LTN1: variants seen among roughly 807,000 people sequenced by gnomAD.
LTN1 encodes E3 ubiquitin-protein ligase listerin.
Under a neutral mutation model 201.2 loss-of-function variants are expected in LTN1, and 88 were observed. That is an observed-to-expected ratio of 0.44 (90% CI 0.37 to 0.52). The LOEUF (loss-of-function observed/expected upper bound fraction) is 0.52. Among genes scored for constraint, LTN1 ranks in the 20% least tolerant of loss-of-function variants. LTN1 has a pLI of 0.00. For synonymous variants in LTN1, 645 were observed against 713.5 expected (o/e 0.90, Z 1.53); for missense variants, 1,752 against 2,038.7 (o/e 0.86, Z 2.71).
rs2084346683 is a variant in LTN1, at chr21:28,947,460, T to C, written c.3487+4A>G. On this transcript the variant is annotated splice_donor_region_variant and intron_variant, in intron 19 of 29. Coordinates refer to ENST00000361371, the MANE Select transcript of LTN1 (RefSeq NM_015565.3). ...AATGAAATATTTATTATCAAGCAAC[T>C]AACCATTAGTGCTGCAAAGATCTTT... The C allele has an allele frequency of 6.6e-7, 1 of 1,511,204 alleles. No individual in the cohort carries two copies. Among genetic ancestry groups the C allele is most frequent in the South Asian group, 1.3e-5 (1 of 76,246 alleles). 93.6% of individuals were successfully genotyped at this position (1,511,204 alleles called of 1,614,324 possible).
chr21:28,930,510 A>G lies in LTN1; in HGVS notation c.5239T>C (p.Tyr1747His), dbSNP rs2084202481. 1 of 1,608,528 alleles carries G rather than the reference A, an allele frequency of 6.2e-7. No homozygotes were observed. The highest frequency in any genetic ancestry group is 1.3e-5 in the African/African-American group (1 of 74,750). Residue 1747 changes from tyrosine to histidine, a missense_variant and splice_region_variant, in exon 30 of 30, where the codon TAC becomes CAC. Physicochemically the swap from Tyr to His is moderately conservative, Grantham distance 83. Transcript: ENST00000361371. ...TTGTTGCTAGATGTAAACCATTTGTACTGAAAAAGAAAAGGTTTTAAATAC... is the reference window on the plus strand; with the variant it reads ...TTGTTGCTAGATGTAAACCATTTGTGCTGAAAAAGAAAAGGTTTTAAATAC... ...CKKKFHSACLYKWFTSSNKST... is the reference protein window; with the variant it reads ...CKKKFHSACLHKWFTSSNKST...
chr21:28,936,838 A>C (rs1263733581), intron 25 of LTN1, 141 bp from the exon 26 acceptor site: 16 of 651,220 alleles, frequency 2.5e-5, no homozygotes, highest in Non-Finnish European at 3.7e-5. Flanking sequence ...CACATTTCTA[A>C]TATCTTTCTC....
intron 6 of LTN1, 84 bp from the exon 7 acceptor site, chr21:28,971,528 C>A: frequency 8.3e-7 from 1 of 1,200,876 alleles, no homozygotes; most frequent in South Asian, 1.5e-5. Context: ...AGATTATTCA[C>A]ACTAACCCTC....
intron 8 of LTN1, among the ~76,000 whole-genome samples, chr21:28,970,222 A>C (rs1268647237): frequency 6.6e-6 from 1 of 152,194 alleles, no homozygotes; most frequent in Non-Finnish European, 1.5e-5. Context: ...ATTTGTATTT[A>C]TCAACATAAA....
chr21:28,934,889 C>A (rs2084241703), intron 27 of LTN1, among the ~76,000 whole-genome samples: 1 of 152,112 alleles, frequency 6.6e-6, no homozygotes, highest in South Asian at 2.1e-4. Flanking sequence ...ATTTGACACA[C>A]AAATTAGAAA....
Position 28,986,855 on chromosome 21 carries a change from G to A in LTN1, c.122C>T (p.Ser41Phe). ...AGGAACATAGCCTAGGTCACTCTGA[G>A]ATGTTCCAAAACCAATAAATCCAGG... Reference protein sequence around the residue: ...TVPGFIGFGTSQSDLGYVPAI... With the variant: ...TVPGFIGFGTFQSDLGYVPAI... The change falls in exon 2 of 30, where the codon TCT becomes TTT. Residue 41 changes from serine to phenylalanine, a missense_variant. By Grantham distance (155) the Ser-to-Phe change is radical (BLOSUM62 -2). Coordinates refer to ENST00000361371, the MANE Select transcript of LTN1 (RefSeq NM_015565.3). This position sits in a 1 kb window ranked among gnomAD's most constrained non-coding sequence, Gnocchi z 4.1. 1 of 1,613,984 alleles carries A rather than the reference G, an allele frequency of 6.2e-7. No individual in the cohort carries two copies. Among genetic ancestry groups the A allele is most frequent in the Non-Finnish European group, 8.5e-7 (1 of 1,179,880 alleles).
rs117562546 is a variant in LTN1, at chr21:28,944,930, T to G, written c.3769-334A>C. ...CAAGTTGTAAGTTATTATTTTAAAATAAGAAAATCGGCCAGGCACAGTGGC... is the reference window on the plus strand; with the variant it reads ...CAAGTTGTAAGTTATTATTTTAAAAGAAGAAAATCGGCCAGGCACAGTGGC... On this transcript the variant is annotated intron_variant, in intron 21 of 29. Transcript: ENST00000361371. Among the ~76,000 whole-genome samples, 54 of 152,212 alleles carry G rather than the reference T, an allele frequency of 3.5e-4. No individual in the cohort carries two copies. In the East Asian group the frequency reaches 9.9e-3, roughly 28 times the overall value.
intron 17 of LTN1, among the ~76,000 whole-genome samples, chr21:28,952,882 A>G (rs2084394118): frequency 6.6e-6 from 1 of 152,196 alleles, no homozygotes; most frequent in Non-Finnish European, 1.5e-5. Flanking sequence ...ACACACCTAT[A>G]ACAACATGTA....
chr21:28,971,984 T>A (rs117422199), intron 6 of LTN1, among the ~76,000 whole-genome samples: 286 of 152,282 alleles, frequency 1.9e-3, no homozygotes, highest in Middle Eastern at 3.4e-3. Flanking sequence ...TTAAGAACAA[T>A]GCAATGGTCT....
chr21:28,932,619 T>C lies in LTN1; in HGVS notation c.4921A>G (p.Ile1641Val). The change falls in exon 28 of 30, where the codon ATT becomes GTT. Residue 1641 changes from isoleucine (I) to valine (V), a missense_variant. By Grantham distance (29) the Ile-to-Val change is conservative. This residue lies in a region of LTN1 where 261 missense variants were observed against 350.1 expected (regional missense o/e 0.75). Coordinates refer to ENST00000361371, the MANE Select transcript of LTN1 (RefSeq NM_015565.3). ...TTREVMATYTIEDIVIELIIQ... is the reference protein window; with the variant it reads ...TTREVMATYTVEDIVIELIIQ... ...ATAAGTTCAATAACTATGTCCTCAA[T>C]AGTATAAGTAGCCATTACCTCTCGA... 1 of 1,613,596 alleles carries C rather than the reference T, an allele frequency of 6.2e-7. No individual in the cohort carries two copies. The highest frequency in any genetic ancestry group is 8.5e-7 in the Non-Finnish European group (1 of 1,179,678).
intron 9 of LTN1, among the ~76,000 whole-genome samples, chr21:28,968,266 A>G (rs2084543188): frequency 6.6e-6 from 1 of 152,114 alleles, no homozygotes; most frequent in Non-Finnish European, 1.5e-5. Flanking sequence ...TTCTGGATTT[A>G]AGTGTTTTGC....
Position 28,970,758 on chromosome 21 carries a change from A to T in LTN1, c.985-16T>A. On this transcript the variant is annotated splice_polypyrimidine_tract_variant and intron_variant, in intron 7 of 29. Transcript: ENST00000361371. Reference sequence around the variant, plus strand: ...GCCAACAGTCCTAACCAAACAAAAGATTATAGTAGTAATTAGAGATCATAA... The same window carrying T: ...GCCAACAGTCCTAACCAAACAAAAGTTTATAGTAGTAATTAGAGATCATAA... 6.3e-7 allele frequency: 1 copy of T among 1,581,600 alleles called. No individual in the cohort carries two copies. The highest frequency in any genetic ancestry group is 8.7e-7 in the Non-Finnish European group (1 of 1,154,574).
chr21:28,949,764 A>G (rs555726918), intron 18 of LTN1, among the ~76,000 whole-genome samples: 1 of 152,152 alleles, frequency 6.6e-6, no homozygotes, highest in Non-Finnish European at 1.5e-5. Flanking sequence ...TTAGGTTGCA[A>G]GTTTTCATTT....
intron 23 of LTN1, 59 bp from the exon 24 acceptor site, chr21:28,943,395 T>G (rs2084312447): frequency 9.4e-7 from 1 of 1,065,544 alleles, no homozygotes; most frequent in Non-Finnish European, 1.4e-6. Flanking sequence ...TAAGTCGTGC[T>G]CAAGAGCAGA....
chr21:28,963,771 C>T lies in LTN1; in HGVS notation c.2163+2094G>A, dbSNP rs574978979. On this transcript the variant is annotated intron_variant, in intron 11 of 29. Coordinates refer to ENST00000361371, the MANE Select transcript of LTN1 (RefSeq NM_015565.3). ...TGAAAACCTTCTGGAAAAAACTCACCATTTTAGATGCCATTAAGACATTCA... is the reference window on the plus strand; with the variant it reads ...TGAAAACCTTCTGGAAAAAACTCACTATTTTAGATGCCATTAAGACATTCA... 2.0e-5 allele frequency among the ~76,000 whole-genome samples: 3 copies of T among 152,276 alleles called. No individual in the cohort carries two copies. The East Asian group carries it at 5.8e-4, about 29-fold the overall frequency.
intron 6 of LTN1, among the ~76,000 whole-genome samples, chr21:28,977,684 C>T (rs1175329010): frequency 6.6e-6 from 1 of 152,118 alleles, no homozygotes; most frequent in African/African-American, 2.4e-5. Context: ...GATTGCGCCA[C>T]TATACTCCAG....
intron 20 of LTN1, 53 bp downstream of exon 20, chr21:28,946,099 T>A (rs1448724837): frequency 1.3e-6 from 2 of 1,514,808 alleles, no homozygotes; most frequent in African/African-American, 2.8e-5. Flanking sequence ...AGATACGTAA[T>A]CTTTGTCTGA....
chr21:28,981,398 C>A, intron 5 of LTN1, 99 bp from the exon 6 acceptor site: 1 of 644,702 alleles, frequency 1.6e-6, no homozygotes, highest in Non-Finnish European at 2.3e-6. Flanking sequence ...AAATATCTAC[C>A]AAAGTTGCTT....
chr21:28,966,812 CCTT>C lies in LTN1; in HGVS notation c.1676_1678del (p.Glu559del), dbSNP rs781049267. ...TAATTCCCAGCCTTCAATCTTCTCT[CCTT>C]CTGAAGATACACATTTTTCATTCTC... On this transcript the variant is annotated inframe_deletion, in exon 10 of 30. Transcript: ENST00000361371. 5.0e-6 allele frequency: 8 copies of C among 1,612,588 alleles called. No homozygotes were observed. In the South Asian group the frequency reaches 6.6e-5, roughly 13 times the overall value.
Sources: allele counts gnomAD v4.1 joint callset (sites outside exome capture counted in the v4.1 genomes callset), GRCh38; gene constraint gnomAD v4.1.1; regional missense constraint gnomAD v4.1.1; non-coding constraint Gnocchi (gnomAD v3.1); transcripts MANE v1.5; gene names NCBI Gene and HGNC (gene_info 2026-07-23, HGNC 2026-07-21).